Variants in NOX4 observed in about 807,000 individuals in gnomAD.
NOX4 encodes the protein kidney oxidase-1.
A neutral mutation model predicts 87.6 loss-of-function variants in NOX4; 69 were observed. That is an observed-to-expected ratio of 0.79 (90% CI 0.65 to 0.96). NOX4 has a LOEUF of 0.96. NOX4 is among the 40% of genes least tolerant of loss of function. The pLI, the probability that NOX4 is intolerant of heterozygous loss-of-function variation, is 0.00. For missense variants in NOX4, 680 were observed against 681.5 expected (o/e 1.00, Z 0.02); for synonymous variants, 275 against 238.2 (o/e 1.15, Z -1.42).
intron 13 of NOX4, among the ~76,000 whole-genome samples, chr11:89,345,394 G>A (rs909458963): frequency 5.3e-5 from 8 of 151,956 alleles, no homozygotes; most frequent in Admixed American, 1.3e-4. Flanking sequence ...AATAGAGACT[G>A]TACTTAAAAT....
chr11:89,469,672 T>G (rs184439429), intron 2 of NOX4, among the ~76,000 whole-genome samples: 1 of 152,302 alleles, frequency 6.6e-6, no homozygotes, highest in Non-Finnish European at 1.5e-5. Flanking sequence ...GTCACTTCCC[T>G]TGCAATGCAT....
At chr11:89,540,782 C>T in the NOX4 span, among the ~76,000 whole-genome samples, 1 of 74,930 alleles carries the variant, frequency 1.3e-5, no homozygotes, top group Non-Finnish European at 2.5e-5. Context: ...AGCAAGACTC[C>T]GTCTAAAAAA....
intron 2 of NOX4, among the ~76,000 whole-genome samples, chr11:89,482,678 A>C (rs182035408): frequency 1.4e-4 from 22 of 152,164 alleles, no homozygotes; most frequent in African/African-American, 5.1e-4. Flanking sequence ...TAGCAAACTA[A>C]CAGAGTAGGT....
At chr11:89,462,554 A>G (rs537075708) in intron 2 of NOX4, among the ~76,000 whole-genome samples, 9 of 152,220 alleles carry the variant, frequency 5.9e-5, no homozygotes, top group Non-Finnish European at 1.2e-4. Context: ...AAACAACTAT[A>G]TAAGTATCAA....
chr11:89,503,822 G>A, the NOX4 span, among the ~76,000 whole-genome samples: 4 of 147,974 alleles, frequency 2.7e-5, no homozygotes, highest in Admixed American at 2.8e-4. Context: ...GAAATCTCAT[G>A]CAACATATAT....
At chr11:89,377,058 A>AAAAT (rs924576292) in intron 11 of NOX4, among the ~76,000 whole-genome samples, 2 of 152,104 alleles carry the variant, frequency 1.3e-5, no homozygotes, top group African/African-American at 4.8e-5. Context: ...ATTCTGTCTC[A>AAAAT]AAATAAATAA....
the NOX4 span, among the ~76,000 whole-genome samples, chr11:89,516,968 C>T: frequency 1.4e-4 from 20 of 142,912 alleles, no homozygotes; most frequent in Non-Finnish European, 1.5e-5. Flanking sequence ...GCAGTTTCCT[C>T]CTCTCTTCCT....
At chr11:89,529,035 A>C in the NOX4 span, among the ~76,000 whole-genome samples, 1 of 152,306 alleles carries the variant, frequency 6.6e-6, no homozygotes. Flanking sequence ...TAAGAATACA[A>C]ACAGAAGAAA....
At chr11:89,576,390 A>G in the NOX4 span, among the ~76,000 whole-genome samples, 1,670 of 152,238 alleles carry the variant, frequency 0.011, 31 homozygotes, top group African/African-American at 0.038. Flanking sequence ...CCTTCCAATA[A>G]ATTACTTTTT....
upstream of NOX4, among the ~76,000 whole-genome samples, chr11:89,494,307 G>A (rs1429081371): frequency 6.6e-6 from 1 of 152,168 alleles, no homozygotes; most frequent in Admixed American, 6.5e-5. Context: ...TTGGCAGTTA[G>A]AACTGTTCTT....
intron 12 of NOX4, among the ~76,000 whole-genome samples, chr11:89,370,593 T>C (rs2135047846): frequency 1.3e-5 from 2 of 152,204 alleles, no homozygotes; most frequent in East Asian, 3.9e-4. Flanking sequence ...TGGCTGCTTC[T>C]AGAAGAGCAA....
chr11:89,385,641 C>A (rs1336232680), intron 11 of NOX4, among the ~76,000 whole-genome samples: 3 of 152,142 alleles, frequency 2.0e-5, no homozygotes, highest in Non-Finnish European at 4.4e-5. Flanking sequence ...TCAAGGAAAT[C>A]AATTCTTAGT....
intron 7 of NOX4, among the ~76,000 whole-genome samples, chr11:89,423,810 T>C (rs887534133): frequency 6.6e-6 from 1 of 151,988 alleles, no homozygotes; most frequent in Non-Finnish European, 1.5e-5. Flanking sequence ...ATCCAACACT[T>C]TGAAAGGCAG....
the NOX4 span, among the ~76,000 whole-genome samples, chr11:89,524,961 T>C: frequency 6.6e-6 from 1 of 152,036 alleles, no homozygotes; most frequent in Non-Finnish European, 1.5e-5. Flanking sequence ...ATTTTATGTG[T>C]ATAGCTTCTT....
At chr11:89,349,373 T>A (rs1293258295) in intron 13 of NOX4, among the ~76,000 whole-genome samples, 1 of 151,936 alleles carries the variant, frequency 6.6e-6, no homozygotes, top group East Asian at 1.9e-4. Flanking sequence ...GACATGCAGA[T>A]TGAACAGAAA....
chr11:89,483,773 T>C (rs1392916359), intron 2 of NOX4, among the ~76,000 whole-genome samples: 2 of 152,160 alleles, frequency 1.3e-5, no homozygotes, highest in Non-Finnish European at 1.5e-5. Flanking sequence ...CAAAAAAAGA[T>C]AAGCATGTAA....
At chr11:89,483,004 A>C (rs1946454177) in intron 2 of NOX4, among the ~76,000 whole-genome samples, 1 of 152,018 alleles carries the variant, frequency 6.6e-6, no homozygotes, top group South Asian at 2.1e-4. Context: ...ATGTAACCTA[A>C]CTACTCAGAA....
At chr11:89,360,611 A>T (rs1237879963) in intron 12 of NOX4, among the ~76,000 whole-genome samples, 3 of 152,096 alleles carry the variant, frequency 2.0e-5, no homozygotes, top group East Asian at 3.9e-4. Context: ...TTCTGAACTC[A>T]CAACTGAGTC....
At chr11:89,407,302 A>T (rs1194391546) in intron 8 of NOX4, among the ~76,000 whole-genome samples, 2 of 152,184 alleles carry the variant, frequency 1.3e-5, no homozygotes, top group African/African-American at 4.8e-5. Flanking sequence ...AAAAGACATT[A>T]GTGAATGGTA....
Sources: allele counts gnomAD v4.1 joint callset (sites outside exome capture counted in the v4.1 genomes callset), GRCh38; gene constraint gnomAD v4.1.1; transcripts MANE v1.5; gene names NCBI Gene and HGNC (gene_info 2026-07-23, HGNC 2026-07-21).